RSRC1: variants seen among roughly 807,000 people sequenced by gnomAD.
RSRC1 encodes the protein serine/Arginine-related protein 53.
RSRC1 carries 39 observed loss-of-function variants against 49.1 expected under a neutral mutation model. The observed-to-expected ratio is 0.79, with a 90% CI of 0.61 to 1.04. The LOEUF (loss-of-function observed/expected upper bound fraction) is 1.04, where lower values mean the gene tolerates loss of function less well. RSRC1 is among the 50% of genes least tolerant of loss of function. The probability of loss-of-function intolerance (pLI) is 0.00; values close to 1 mark genes in which losing one functional copy is unlikely to be tolerated. For missense variants in RSRC1, 388 were observed against 402.4 expected (o/e 0.96, Z 0.31); for synonymous variants, 143 against 130.8 (o/e 1.09, Z -0.63).
chr3:158,336,246 G>A (rs1007103907), intron 5 of RSRC1, among the ~76,000 whole-genome samples: 1 of 152,226 alleles, frequency 6.6e-6, no homozygotes, highest in Non-Finnish European at 1.5e-5. Flanking sequence ...TCCATTCATT[G>A]GTCCGGCCCC....
chr3:158,228,894 A>ATATAAACACATACGTGTAATGTGTG lies in RSRC1; in HGVS notation c.494+25659_494+25660insTACGTGTAATGTGTGTATAAACACA, dbSNP rs1559951962. The stretch of plus-strand genomic sequence containing the variant: ...ATATAAACACATACGTGTAATGTGT[A>ATATAAACACATACGTGTAATGTGTG]TATAAACACACATACGTGTATATGT... On this transcript the variant is annotated intron_variant, in intron 4 of 9. Coordinates refer to ENST00000611884, the MANE Select transcript of RSRC1 (RefSeq NM_001271838.2). Among the ~76,000 whole-genome samples the ATATAAACACATACGTGTAATGTGTG allele has an allele frequency of 1.2e-3, 134 of 111,802 alleles. 14 individuals carry two copies. The highest frequency in any genetic ancestry group is 4.2e-3 in the African/African-American group (117 of 27,878). The allele number at this position is 111,802 out of a possible 152,430, so 73.3% of individuals were successfully genotyped here.
At chr3:158,257,938 ACTTCGT>A (rs1724662306) in intron 4 of RSRC1, among the ~76,000 whole-genome samples, 2 of 152,084 alleles carry the variant, frequency 1.3e-5, no homozygotes, top group African/African-American at 4.8e-5. Context: ...CTATGCCTTA[ACTTCGT>A]CCCCTTTCTT....
chr3:158,511,969 T>C (rs983694152), intron 7 of RSRC1, among the ~76,000 whole-genome samples: 224 of 151,220 alleles, frequency 1.5e-3, no homozygotes, highest in Non-Finnish European at 1.7e-3. Flanking sequence ...TTGATGGGGT[T>C]GTTTTTTTCT....
At chr3:158,519,690 C>G (rs1164631689) in intron 7 of RSRC1, among the ~76,000 whole-genome samples, 1 of 151,902 alleles carries the variant, frequency 6.6e-6, no homozygotes, top group Non-Finnish European at 1.5e-5. Context: ...AGTTAAGAGG[C>G]CAATTAAAAG....
intron 6 of RSRC1, among the ~76,000 whole-genome samples, chr3:158,453,668 C>T (rs1386726369): frequency 1.3e-5 from 2 of 152,088 alleles, no homozygotes; most frequent in Non-Finnish European, 2.9e-5. Flanking sequence ...CACACCTCAC[C>T]AGCGTTTTGA....
chr3:158,503,124 C>G (rs1739684116), intron 7 of RSRC1, among the ~76,000 whole-genome samples: 1 of 152,156 alleles, frequency 6.6e-6, no homozygotes, highest in Non-Finnish European at 1.5e-5. Context: ...ACGTGGCTTC[C>G]TGTGAGCCAA....
chr3:158,226,805 A>G (rs1053157246), intron 4 of RSRC1, among the ~76,000 whole-genome samples: 2 of 151,836 alleles, frequency 1.3e-5, no homozygotes, highest in Non-Finnish European at 1.5e-5. Context: ...TAGACTGTCC[A>G]TAACAGGATT....
intron 4 of RSRC1, among the ~76,000 whole-genome samples, chr3:158,224,926 A>G (rs1240308911): frequency 6.6e-6 from 1 of 151,914 alleles, no homozygotes; most frequent in African/African-American, 2.4e-5. Context: ...AGAGAATTTA[A>G]GAAGTATCCT....
chr3:158,139,122 C>T (rs563719629), intron 3 of RSRC1, among the ~76,000 whole-genome samples: 30 of 152,006 alleles, frequency 2.0e-4, no homozygotes, highest in African/African-American at 2.2e-4. Flanking sequence ...TTATTTTGGC[C>T]GGACACGGTA....
chr3:158,138,126 G>A (rs1716520749), intron 3 of RSRC1, among the ~76,000 whole-genome samples: 1 of 152,132 alleles, frequency 6.6e-6, no homozygotes, highest in Non-Finnish European at 1.5e-5. Context: ...TCTAGTTGGG[G>A]GCTCCTGAAT....
intron 4 of RSRC1, among the ~76,000 whole-genome samples, chr3:158,216,777 T>C (rs770573260): frequency 6.6e-6 from 1 of 151,780 alleles, no homozygotes; most frequent in Non-Finnish European, 1.5e-5. Context: ...TTTGTTATCC[T>C]TCTTACTTTC....
intron 4 of RSRC1, among the ~76,000 whole-genome samples, chr3:158,247,326 G>C (rs1723962030): frequency 6.6e-6 from 1 of 152,058 alleles, no homozygotes. Context: ...CTTTAGCTCA[G>C]CAAAGTTTGT....
intron 4 of RSRC1, among the ~76,000 whole-genome samples, chr3:158,235,106 AGT>A (rs1157337417): frequency 2.6e-5 from 4 of 152,142 alleles, no homozygotes; most frequent in African/African-American, 7.2e-5. Flanking sequence ...ACCCAGTAGT[AGT>A]GAGCGATTTT....
chr3:158,283,949 G>C (rs1726339011), intron 4 of RSRC1, among the ~76,000 whole-genome samples: 1 of 150,724 alleles, frequency 6.6e-6, no homozygotes, highest in Admixed American at 6.6e-5. Flanking sequence ...GTGCAGGTTA[G>C]TTACATATGT....
chr3:158,316,171 CAA>C (rs113383530), intron 5 of RSRC1, among the ~76,000 whole-genome samples: 9 of 106,156 alleles, frequency 8.5e-5, no homozygotes, highest in Admixed American at 1.0e-4. Flanking sequence ...GACTCGGTCT[CAA>C]AAAAAAAAAA....
At chr3:158,313,613 C>A (rs1033301994) in intron 5 of RSRC1, among the ~76,000 whole-genome samples, 1 of 152,056 alleles carries the variant, frequency 6.6e-6, no homozygotes, top group South Asian at 2.1e-4. Flanking sequence ...GGAAGGCACA[C>A]GTATGAAAAT....
At chr3:158,379,608 TCACATTCA>T (rs1392504642) in intron 6 of RSRC1, among the ~76,000 whole-genome samples, 2 of 152,056 alleles carry the variant, frequency 1.3e-5, no homozygotes, top group Non-Finnish European at 2.9e-5. Context: ...CCTCACTCAA[TCACATTCA>T]CCTTCTTAGT....
chr3:158,403,011 C>G (rs1395696513), intron 6 of RSRC1, among the ~76,000 whole-genome samples: 1 of 151,826 alleles, frequency 6.6e-6, no homozygotes, highest in Non-Finnish European at 1.5e-5. Flanking sequence ...CATATTCACT[C>G]TGCTGTTTTT....
intron 6 of RSRC1, among the ~76,000 whole-genome samples, chr3:158,438,451 A>G (rs1466268735): frequency 1.3e-5 from 2 of 152,190 alleles, no homozygotes; most frequent in African/African-American, 4.8e-5. Context: ...AAACAGCGTG[A>G]TACTGGTACC....
Sources: gnomAD v4.1 joint callset for allele counts (sites outside exome capture counted in the v4.1 genomes callset) on GRCh38, gnomAD v4.1.1 for gene constraint, MANE v1.5 for transcripts, NCBI Gene and HGNC (gene_info 2026-07-23, HGNC 2026-07-21) for gene names.